The following CEP170 variants were observed in gnomAD, a reference collection of about 807,000 sequenced individuals.
CEP170 encodes centrosomal protein of 170 kDa.
In CEP170, 21 loss-of-function variants were observed where a neutral mutation model predicts 151.9. The observed-to-expected ratio is 0.14, with a 90% confidence interval of 0.10 to 0.20. The LOEUF (loss-of-function observed/expected upper bound fraction) is 0.20. CEP170 is among the 10% of genes least tolerant of loss of function. The probability of loss-of-function intolerance (pLI) is 1.00; values close to 1 mark genes in which losing one functional copy is unlikely to be tolerated. For missense variants in CEP170, 964 were observed against 1,892.9 expected, an observed-to-expected ratio of 0.51 and a Z score of 9.11; for synonymous variants, 356 against 648.8, an observed-to-expected ratio of 0.55 and a Z score of 6.86.
chr1:243,222,024 T>C (rs1400906190), intron 2 of CEP170, among the ~76,000 whole-genome samples: 6 of 152,228 alleles, frequency 3.9e-5, no homozygotes, highest in African/African-American at 1.4e-4. Context: ...TTTAAAGATA[T>C]TCTTTTCTAC....
chr1:243,225,101 T>C (rs1657051938), intron 2 of CEP170, 75 bp downstream of exon 2: 1 of 774,568 alleles, frequency 1.3e-6, no homozygotes, highest in Admixed American at 3.8e-5. Flanking sequence ...CACTGTTTTC[T>C]AAAGGAGTAG....
chr1:243,200,444 A>G, intron 6 of CEP170, 74 bp downstream of exon 6: 2 of 1,593,412 alleles, frequency 1.3e-6, no homozygotes, highest in Admixed American at 1.7e-5. Flanking sequence ...GACATAGCCA[A>G]CTTTCTGAGA....
At chr1:243,255,477 C>T (rs2066553433), upstream of CEP170, 1 of 154,240 alleles carries the variant, frequency 6.5e-6, no homozygotes, top group Non-Finnish European at 1.4e-5. Context: ...GGGACCGCAA[C>T]CAACAAGGAC....
intron 10 of CEP170, among the ~76,000 whole-genome samples, chr1:243,175,619 G>A (rs938100268): frequency 6.4e-4 from 98 of 152,224 alleles, no homozygotes; most frequent in African/African-American, 2.2e-3. Context: ...GCTGATAATT[G>A]TACAGAACTT....
chr1:243,136,551 C>T (rs1217721783), intron 16 of CEP170, among the ~76,000 whole-genome samples: 1 of 152,164 alleles, frequency 6.6e-6, no homozygotes, highest in African/African-American at 2.4e-5. Context: ...TTACTTCCAA[C>T]TGAATTATAA....
intron 13 of CEP170, among the ~76,000 whole-genome samples, chr1:243,157,289 T>G (rs867819333): frequency 2.2e-4 from 33 of 152,290 alleles, no homozygotes; most frequent in African/African-American, 7.9e-4. Context: ...ATGGTATTGC[T>G]CACACATTTA....
chr1:243,146,198 C>T (rs2056467014), intron 14 of CEP170, among the ~76,000 whole-genome samples: 1 of 152,088 alleles, frequency 6.6e-6, no homozygotes, highest in Non-Finnish European at 1.5e-5. Context: ...GTTTGGAACA[C>T]AGGCTCTGTG....
At chr1:243,198,569 G>T (rs2060811487) in intron 7 of CEP170, among the ~76,000 whole-genome samples, 1 of 152,064 alleles carries the variant, frequency 6.6e-6, no homozygotes, top group Non-Finnish European at 1.5e-5. Context: ...CTCCTCGGGA[G>T]GCTGAAGTGG....
chr1:243,204,528 G>C (rs188852583), intron 4 of CEP170, among the ~76,000 whole-genome samples: 1 of 152,120 alleles, frequency 6.6e-6, no homozygotes, highest in Non-Finnish European at 1.5e-5. Flanking sequence ...ATTGGCGGGT[G>C]GATCTTGTGA....
At chr1:243,247,140 TA>T (rs1378038838) in intron 1 of CEP170, among the ~76,000 whole-genome samples, 2 of 152,280 alleles carry the variant, frequency 1.3e-5, no homozygotes, top group Non-Finnish European at 2.9e-5. Flanking sequence ...CTATTCCATG[TA>T]ACATGTGACA....
intron 14 of CEP170, among the ~76,000 whole-genome samples, chr1:243,149,724 ATAT>A (rs1274808329): frequency 1.3e-5 from 2 of 152,206 alleles, no homozygotes; most frequent in African/African-American, 4.8e-5. Context: ...TCCTTCAATT[ATAT>A]TATAATTGAA....
chr1:243,210,374 T>C (rs2061697154), intron 4 of CEP170, among the ~76,000 whole-genome samples: 1 of 152,120 alleles, frequency 6.6e-6, no homozygotes. Flanking sequence ...TTGTTCTTGA[T>C]GAAACTTAGG....
intron 1 of CEP170, among the ~76,000 whole-genome samples, chr1:243,250,049 G>A (rs1039815416): frequency 1.3e-5 from 2 of 152,106 alleles, no homozygotes; most frequent in African/African-American, 2.4e-5. Flanking sequence ...CCAGCCTGGC[G>A]AGAGAGCAAG....
intron 1 of CEP170, among the ~76,000 whole-genome samples, chr1:243,243,765 A>G (rs1003077024): frequency 5.9e-5 from 9 of 151,960 alleles, no homozygotes; most frequent in African/African-American, 2.2e-4. Context: ...TGACCTTGTG[A>G]TCCGCCTACC....
At chr1:243,135,959 A>T (rs1359775823) in intron 17 of CEP170, 184 bp downstream of exon 17, 2 of 654,558 alleles carry the variant, frequency 3.1e-6, no homozygotes, top group Admixed American at 6.8e-5. Context: ...AAAATCTGTA[A>T]GTCTATTTAT....
intron 4 of CEP170, among the ~76,000 whole-genome samples, chr1:243,208,149 T>C (rs569509752): frequency 3.3e-5 from 5 of 152,220 alleles, no homozygotes; most frequent in African/African-American, 1.2e-4. Flanking sequence ...CAGAAAACTT[T>C]ATTGGCTACA....
At chr1:243,153,427 G>T (rs963834618) in intron 14 of CEP170, among the ~76,000 whole-genome samples, 6 of 152,168 alleles carry the variant, frequency 3.9e-5, no homozygotes, top group African/African-American at 1.4e-4. Flanking sequence ...TTGCTACAAG[G>T]AAATCTTTCA....
chr1:243,164,159 A>T (rs1375514009), intron 13 of CEP170, 125 bp downstream of exon 13: 8 of 1,234,104 alleles, frequency 6.5e-6, no homozygotes, highest in Non-Finnish European at 3.1e-6. Flanking sequence ...CCCGTATATC[A>T]TAACTTTTGT....
At chr1:243,164,217 T>A (rs60303156) in intron 13 of CEP170, 67 bp downstream of exon 13, 39,095 of 957,214 alleles carry the variant, frequency 0.041, 3,497 homozygotes, top group African/African-American at 0.29. Flanking sequence ...CTTTTTTTTT[T>A]AAAAAAAAAA....
Sources: gnomAD v4.1 joint callset for allele counts (sites outside exome capture counted in the v4.1 genomes callset) on GRCh38, gnomAD v4.1.1 for gene constraint, MANE v1.5 for transcripts, NCBI Gene and HGNC (gene_info 2026-07-23, HGNC 2026-07-21) for gene names.